LPGAT1: variants seen among roughly 807,000 people sequenced by gnomAD.
LPGAT1 encodes the protein lysophosphatidylglycerol acyltransferase 1.
Under a neutral mutation model 47.5 loss-of-function variants are expected in LPGAT1, and 11 were observed. The observed-to-expected ratio is 0.23, with a 90% CI of 0.15 to 0.38. LPGAT1 has a LOEUF of 0.38. Among genes scored for constraint, LPGAT1 ranks in the 10% least tolerant of loss-of-function variants. LPGAT1 has a pLI of 1.00. For missense variants in LPGAT1, 293 were observed against 439.0 expected (o/e 0.67, Z 2.97); for synonymous variants, 138 against 144.2 (o/e 0.96, Z 0.31).
At chr1:211,753,538 G>A (rs189335849) in intron 6 of LPGAT1, among the ~76,000 whole-genome samples, 38 of 151,574 alleles carry the variant, frequency 2.5e-4, no homozygotes, top group Non-Finnish European at 4.3e-4. Flanking sequence ...AGCTCCTATT[G>A]TTCTCAGTCT....
intron 6 of LPGAT1, among the ~76,000 whole-genome samples, chr1:211,762,876 G>T (rs1007546210): frequency 1.3e-5 from 2 of 152,164 alleles, no homozygotes; most frequent in African/African-American, 4.8e-5. Context: ...TCCAAAATGT[G>T]AGCTGACAAA....
At chr1:211,820,604 C>T (rs886879414) in intron 2 of LPGAT1, among the ~76,000 whole-genome samples, 1 of 147,738 alleles carries the variant, frequency 6.8e-6, no homozygotes, top group Admixed American at 6.7e-5. Flanking sequence ...GATAGGAGAA[C>T]AAAGAAGAGA....
intron 2 of LPGAT1, among the ~76,000 whole-genome samples, chr1:211,804,558 C>T (rs1659689287): frequency 6.6e-6 from 1 of 152,052 alleles, no homozygotes; most frequent in Admixed American, 6.5e-5. Context: ...TGTATAAAGA[C>T]AATTTTTTAA....
chr1:211,793,014 G>T (rs921503700), intron 3 of LPGAT1, 58 bp downstream of exon 3: 9 of 1,217,476 alleles, frequency 7.4e-6, no homozygotes, highest in Non-Finnish European at 1.1e-5. Flanking sequence ...CCGGCCAAAT[G>T]GATTCCTTTT....
rs538563562 is a variant in LPGAT1 at position 211,769,773 on chromosome 1, C to T, written c.854+9145G>A. On this transcript the variant is annotated intron_variant, in intron 6 of 7. Transcript: ENST00000366997. The stretch of plus-strand genomic sequence containing the variant: ...TAGCAGTGAGGAAAACCAGAGGTCA[C>T]TCCTGTTCCCATCTTGATTTTGGTG... Among the ~76,000 whole-genome samples, 4 of 152,286 alleles carry T rather than the reference C, an allele frequency of 2.6e-5. No individual in the cohort carries two copies. The South Asian group carries it at 8.3e-4, about 32-fold the overall frequency.
chr1:211,774,132 C>CTTTTTT lies in LPGAT1; in HGVS notation c.854+4780_854+4785dup, dbSNP rs67342051. Among the ~76,000 whole-genome samples, 308 of 66,804 alleles carry CTTTTTT rather than the reference C, an allele frequency of 4.6e-3. 66 individuals are homozygous for CTTTTTT. Among genetic ancestry groups the CTTTTTT allele is most frequent in the South Asian group, 0.011 (15 of 1,404 alleles). 43.8% of individuals were successfully genotyped at this position (66,804 alleles called of 152,430 possible). A position where few individuals can be genotyped will look rare whatever the true frequency, so the allele number is the denominator to read the frequency against. On this transcript the variant is annotated intron_variant, in intron 6 of 7. Coordinates refer to ENST00000366997, the MANE Select transcript of LPGAT1 (RefSeq NM_014873.3). ...AAAGTGCTTTGTGTTTTTTAAAAGT[C>CTTTTTT]TTTTTTTTTTTTTTTTTTTTGAGAC...
chr1:211,829,747 A>T, intron 1 of LPGAT1: 1 of 1,005,130 alleles, frequency 9.9e-7, no homozygotes, highest in Non-Finnish European at 1.2e-6. Context: ...CCAGATACTG[A>T]GGACCTCAGT....
chr1:211,776,998 T>C (rs1341670446), intron 6 of LPGAT1, among the ~76,000 whole-genome samples: 2 of 151,252 alleles, frequency 1.3e-5, no homozygotes, highest in African/African-American at 4.9e-5. Context: ...TTTGTATATA[T>C]AATGTGATTT....
intron 6 of LPGAT1, among the ~76,000 whole-genome samples, chr1:211,775,862 C>A (rs147249669): frequency 5.5e-5 from 8 of 145,906 alleles, no homozygotes; most frequent in Non-Finnish European, 8.9e-5. Context: ...ACCTGGGAGG[C>A]GGAGGTTACG....
chr1:211,798,367 T>C (rs1659433835), intron 2 of LPGAT1, among the ~76,000 whole-genome samples: 2 of 152,138 alleles, frequency 1.3e-5, no homozygotes, highest in African/African-American at 2.4e-5. Context: ...TACTGTGTCA[T>C]ATGAAAATCA....
At chr1:211,802,081 C>A in intron 2 of LPGAT1, among the ~76,000 whole-genome samples, 1 of 111,076 alleles carries the variant, frequency 9.0e-6, no homozygotes, top group African/African-American at 3.4e-5. Flanking sequence ...GAGTGAGACT[C>A]TGTCTCAAAA....
intron 1 of LPGAT1, chr1:211,829,856 G>T: frequency 1.0e-6 from 1 of 974,494 alleles, no homozygotes; most frequent in Non-Finnish European, 1.2e-6. Flanking sequence ...GTAGCAATAG[G>T]GTTTTTGTTT....
chr1:211,815,812 T>C (rs538538845), intron 2 of LPGAT1, among the ~76,000 whole-genome samples: 1 of 142,018 alleles, frequency 7.0e-6, no homozygotes, highest in Non-Finnish European at 1.5e-5. Flanking sequence ...TGAGTCTTGC[T>C]CTGTCACCCA....
At chr1:211,765,212 T>G (rs1657857817) in intron 6 of LPGAT1, among the ~76,000 whole-genome samples, 1 of 152,200 alleles carries the variant, frequency 6.6e-6, no homozygotes, top group African/African-American at 2.4e-5. Context: ...AAAGAAAAGT[T>G]GTAAAAATAG....
chr1:211,799,764 C>A (rs1659497739), intron 2 of LPGAT1, among the ~76,000 whole-genome samples: 1 of 151,986 alleles, frequency 6.6e-6, no homozygotes, highest in African/African-American at 2.4e-5. Context: ...GGGCAGGTAT[C>A]TAAGAAAAAA....
intron 4 of LPGAT1, among the ~76,000 whole-genome samples, chr1:211,786,300 T>G (rs980506925): frequency 2.3e-4 from 35 of 152,346 alleles, no homozygotes; most frequent in Admixed American, 2.1e-3. Flanking sequence ...AACTTAGAAG[T>G]TTCTCTACTC....
intron 2 of LPGAT1, among the ~76,000 whole-genome samples, chr1:211,794,661 G>A (rs1320154338): frequency 6.6e-6 from 1 of 152,032 alleles, no homozygotes; most frequent in Admixed American, 6.6e-5. Flanking sequence ...TCAGAATTCT[G>A]CAAAGAATCT....
rs150144350 is a variant in LPGAT1 at position 211,830,333 on chromosome 1, G to A, written c.-28+240C>T. The stretch of plus-strand genomic sequence containing the variant: ...CGCCCTACTCCCCTCGCGGCTGCCT[G>A]CGGACAGAGGGACGGCGGGGACTCA... On this transcript the variant is annotated intron_variant, in intron 1 of 7. Transcript: ENST00000366997. The surrounding 1 kb of genome is among the most constrained non-coding windows in gnomAD (Gnocchi z 5.9). 3.6e-3 allele frequency: 4,064 copies of A among 1,130,172 alleles called. 122 individuals are homozygous for A. The African/African-American group carries it at 0.062, about 17-fold the overall frequency. The allele number at this position is 1,130,172 out of a possible 1,614,324, so 70.0% of individuals were successfully genotyped here.
intron 2 of LPGAT1, among the ~76,000 whole-genome samples, chr1:211,817,508 T>C (rs1040791643): frequency 7.9e-5 from 12 of 151,516 alleles, no homozygotes; most frequent in Admixed American, 6.6e-4. Flanking sequence ...GAGGTGGAGG[T>C]TGCAGTGAGC....
Sources: gnomAD v4.1 joint callset for allele counts (sites outside exome capture counted in the v4.1 genomes callset) on GRCh38, gnomAD v4.1.1 for gene constraint, Gnocchi (gnomAD v3.1) non-coding constraint, MANE v1.5 for transcripts, NCBI Gene and HGNC (gene_info 2026-07-23, HGNC 2026-07-21) for gene names.